Variants in ALK observed in about 807,000 individuals in gnomAD.
ALK encodes the protein ALK tyrosine kinase receptor.
ALK carries 74 observed loss-of-function variants against 163.1 expected under a neutral mutation model. That is an observed-to-expected ratio of 0.45 (90% CI 0.38 to 0.55). The LOEUF (loss-of-function observed/expected upper bound fraction) is 0.55. Among genes scored for constraint, ALK ranks in the 20% least tolerant of loss-of-function variants. ALK has a pLI of 0.00. For missense variants in ALK, 2,063 were observed against 2,105.3 expected (o/e 0.98, Z 0.39); for synonymous variants, 960 against 843.2 (o/e 1.14, Z -2.40).
At chr2:29,705,305 G>C (rs1257438154) in intron 2 of ALK, among the ~76,000 whole-genome samples, 1 of 121,338 alleles carries the variant, frequency 8.2e-6, no homozygotes, top group African/African-American at 2.9e-5. Context: ...TGTGATGATT[G>C]CATAAGGTAA....
Position 29,383,737 on chromosome 2 carries a change from C to G in ALK, c.1277G>C (p.Ser426Thr), listed in dbSNP as rs111796753. 150 of 1,614,126 alleles carry G rather than the reference C, an allele frequency of 9.3e-5. No homozygotes were observed. In the African/African-American group the frequency reaches 1.8e-3, roughly 20 times the overall value. Residue 426 changes from serine to threonine, a missense_variant, in exon 5 of 29, where the codon AGT (serine) becomes ACT (threonine). Physicochemically the swap from Ser to Thr is moderately conservative, Grantham distance 58. Coordinates refer to ENST00000389048, the MANE Select transcript of ALK (RefSeq NM_004304.5). ...AVDFFALKNC[S>T]EGTSPGSKMA... ...GGAAAGCCAGATTCAGATACCTTCA[C>G]TGCAGTTCTTCAGGGCAAAGAAGTC... is the stretch of plus-strand genomic sequence containing the variant.
Position 29,569,720 on chromosome 2 carries a change from A to G in ALK, c.953-37604T>C, listed in dbSNP as rs138487379. On this transcript the variant is annotated intron_variant, in intron 3 of 28. Coordinates refer to ENST00000389048, the MANE Select transcript of ALK (RefSeq NM_004304.5). ...GTGCTGATTCCACCATCAACTGACT[A>G]ACATGATTATTCTACTAGGGTATTC... 8.4e-4 allele frequency among the ~76,000 whole-genome samples: 128 copies of G among 152,338 alleles called. 2 individuals carry two copies. Among genetic ancestry groups the G allele is most frequent in the African/African-American group, 3.0e-3 (124 of 41,580 alleles).
chr2:29,696,809 G>A (rs1405681048), intron 2 of ALK, among the ~76,000 whole-genome samples: 1 of 151,718 alleles, frequency 6.6e-6, no homozygotes, highest in African/African-American at 2.4e-5. Context: ...CCTGACCCAC[G>A]TCTAACCCTG....
intron 1 of ALK, among the ~76,000 whole-genome samples, chr2:29,788,064 C>T (rs1230997529): frequency 6.6e-6 from 1 of 152,222 alleles, no homozygotes; most frequent in Admixed American, 6.5e-5. Context: ...AAGCAGTGAT[C>T]ACAATTGCTA....
Position 29,275,484 on chromosome 2 carries a change from C to T in ALK, c.1830G>A (p.Gln610=). 6.2e-7 allele frequency: 1 copy of T among 1,614,162 alleles called. No individual in the cohort carries two copies. Among genetic ancestry groups the T allele is most frequent in the Non-Finnish European group, 8.5e-7 (1 of 1,180,024 alleles). ...LLDVSDRFWL[Q]MVAWWGQGSR... ...ATCCTTGTCCCCACCATGCGACCAT[C>T]TGCAGCCAGAACCTGTACACATCAA... Residue 610 remains glutamine (Q), a synonymous_variant, in exon 10 of 29, where the codon CAG becomes CAA. Coordinates refer to ENST00000389048, the MANE Select transcript of ALK (RefSeq NM_004304.5).
chr2:29,627,433 T>C (rs1676229055), intron 3 of ALK, among the ~76,000 whole-genome samples: 3 of 152,206 alleles, frequency 2.0e-5, no homozygotes, highest in Admixed American at 6.5e-5. Context: ...GTAGCCCATT[T>C]CCACTCCCTA....
At chr2:29,722,970 G>A (rs988239324) in intron 1 of ALK, among the ~76,000 whole-genome samples, 1 of 152,058 alleles carries the variant, frequency 6.6e-6, no homozygotes, top group Non-Finnish European at 1.5e-5. Flanking sequence ...AAATCTTGAT[G>A]GCTCTACCTG....
At chr2:29,540,289 G>A (rs1217017216) in intron 3 of ALK, among the ~76,000 whole-genome samples, 1 of 152,134 alleles carries the variant, frequency 6.6e-6, no homozygotes, top group Admixed American at 6.5e-5. Flanking sequence ...TTAAGACCTT[G>A]AGAAGGGAAA....
At chr2:29,690,580 C>T (rs551972166) in intron 3 of ALK, among the ~76,000 whole-genome samples, 6 of 152,298 alleles carry the variant, frequency 3.9e-5, no homozygotes, top group Admixed American at 2.0e-4. Context: ...GCCCCTGGCA[C>T]TTCTTAAAAA....
At chr2:29,583,070 G>A (rs1447662853) in intron 3 of ALK, among the ~76,000 whole-genome samples, 1 of 137,104 alleles carries the variant, frequency 7.3e-6, no homozygotes, top group Non-Finnish European at 1.5e-5. Flanking sequence ...GTAAAGATGG[G>A]ATTTTGCCAT....
At chr2:29,835,577 C>A (rs898426434) in intron 1 of ALK, among the ~76,000 whole-genome samples, 1 of 152,152 alleles carries the variant, frequency 6.6e-6, no homozygotes, top group Non-Finnish European at 1.5e-5. Flanking sequence ...CCAACCCAGA[C>A]TGTATGTGGA....
At chr2:29,588,966 C>T (rs1255980821) in intron 3 of ALK, among the ~76,000 whole-genome samples, 2 of 152,098 alleles carry the variant, frequency 1.3e-5, no homozygotes, top group African/African-American at 4.8e-5. Context: ...CCCCTCGCTC[C>T]CCTCCGGGGG....
chr2:29,914,817 G>A (rs551449988), intron 1 of ALK, among the ~76,000 whole-genome samples: 6 of 152,312 alleles, frequency 3.9e-5, no homozygotes, highest in South Asian at 2.1e-4. Flanking sequence ...ACTTGGAGAT[G>A]ATTCCCTTAG....
intron 3 of ALK, among the ~76,000 whole-genome samples, chr2:29,636,052 C>A (rs941134883): frequency 6.6e-6 from 1 of 152,076 alleles, no homozygotes; most frequent in Non-Finnish European, 1.5e-5. Context: ...GAAAAAGGAA[C>A]TAGAATAGCT....
chr2:29,612,174 T>C (rs550447590), intron 3 of ALK, among the ~76,000 whole-genome samples: 1 of 152,306 alleles, frequency 6.6e-6, no homozygotes, highest in African/African-American at 2.4e-5. Context: ...GTTCAATGCC[T>C]TTGTGCTTCT....
intron 13 of ALK, among the ~76,000 whole-genome samples, chr2:29,238,872 A>AGACGC (rs1472861362): frequency 2.0e-5 from 3 of 152,256 alleles, no homozygotes; most frequent in African/African-American, 4.8e-5. Flanking sequence ...TTTTTAAAAA[A>AGACGC]GACGCGGTCC....
At chr2:29,901,750 G>A (rs1667418628) in intron 1 of ALK, among the ~76,000 whole-genome samples, 1 of 152,216 alleles carries the variant, frequency 6.6e-6, no homozygotes, top group Admixed American at 6.5e-5. Context: ...TGTGATCTAT[G>A]AAGGATTGGA....
At position 29,782,557 on chromosome 2, in the gene ALK, T is replaced by A. The variant is rs555921959; in HGVS notation, c.668-64860A>T. ...CCCGCCCCACTCCAGCAAGATCCCC[T>A]CTGGCGTCAGAACAGTTATGTACCT... On this transcript the variant is annotated intron_variant, in intron 1 of 28. Coordinates refer to ENST00000389048, the MANE Select transcript of ALK (RefSeq NM_004304.5). Among the ~76,000 whole-genome samples, 5 of 152,304 alleles carry A rather than the reference T, an allele frequency of 3.3e-5. No homozygotes were observed. The East Asian group carries it at 9.7e-4, about 29-fold the overall frequency.
At chr2:29,298,877 GCCCTCCTTT>G (rs1276097833) in intron 8 of ALK, among the ~76,000 whole-genome samples, 18 of 151,966 alleles carry the variant, frequency 1.2e-4, no homozygotes, top group African/African-American at 3.6e-4. Flanking sequence ...TTTAGTTACT[GCCCTCCTTT>G]CCCTCCTTTC....
Sources: allele counts gnomAD v4.1 joint callset (sites outside exome capture counted in the v4.1 genomes callset), GRCh38; gene constraint gnomAD v4.1.1; transcripts MANE v1.5; gene names NCBI Gene and HGNC (gene_info 2026-07-23, HGNC 2026-07-21).